Variants in RAI14 observed in about 807,000 individuals in gnomAD.
The protein encoded by RAI14 is ankycorbin.
Under a neutral mutation model 115.4 loss-of-function variants are expected in RAI14, and 45 were observed. The ratio of observed to expected loss-of-function variants is 0.39; its 90% confidence interval spans 0.31 to 0.50. RAI14 has a LOEUF of 0.50. RAI14 is among the 20% of genes least tolerant of loss of function. RAI14 has a pLI of 0.85. For missense variants in RAI14, 939 were observed against 1,131.2 expected (o/e 0.83, Z 2.44); for synonymous variants, 371 against 415.4 (o/e 0.89, Z 1.30).
At chr5:34,691,052 G>A (rs541439664) in intron 2 of RAI14, among the ~76,000 whole-genome samples, 1 of 152,254 alleles carries the variant, frequency 6.6e-6, no homozygotes, top group African/African-American at 2.4e-5. Flanking sequence ...ATTTTGAGAT[G>A]GCTGAATCAC....
At chr5:34,723,569 C>A (rs1016313745) in intron 2 of RAI14, among the ~76,000 whole-genome samples, 1 of 152,136 alleles carries the variant, frequency 6.6e-6, no homozygotes, top group African/African-American at 2.4e-5. Flanking sequence ...TGGTGTTTGA[C>A]CAAATAACTG....
rs1385466660 is a variant in RAI14, at chr5:34,665,132, TATATATATACAC to T, written c.-49+8666_-49+8677del. The stretch of plus-strand genomic sequence containing the variant: ...ATATATATGTGTATATATGTATGTG[TATATATATACAC>T]ATATATATGTGTGTGTATATATATA... On this transcript the variant is annotated intron_variant, in intron 1 of 17. Transcript: ENST00000265109. 2.0e-3 allele frequency among the ~76,000 whole-genome samples: 100 copies of T among 49,332 alleles called. 17 individuals carry two copies. The South Asian group carries it at 0.023, about 11-fold the overall frequency. 32.4% of individuals were successfully genotyped at this position (49,332 alleles called of 152,430 possible).
chr5:34,747,818 A>C (rs1167369565), intron 2 of RAI14, among the ~76,000 whole-genome samples: 2 of 152,260 alleles, frequency 1.3e-5, no homozygotes, highest in Non-Finnish European at 2.9e-5. Flanking sequence ...CCTACCATCC[A>C]GTGGGCAGTG....
chr5:34,762,066 G>A (rs1380899465), intron 3 of RAI14, among the ~76,000 whole-genome samples: 1 of 152,216 alleles, frequency 6.6e-6, no homozygotes, highest in African/African-American at 2.4e-5. Context: ...ATCTTATTGT[G>A]TTGGTCTTTC....
chr5:34,666,294 G>C (rs1164575481), intron 1 of RAI14, among the ~76,000 whole-genome samples: 2 of 151,520 alleles, frequency 1.3e-5, no homozygotes, highest in East Asian at 1.9e-4. Flanking sequence ...AGATGTCCCG[G>C]CCCCCCGACA....
intron 2 of RAI14, among the ~76,000 whole-genome samples, chr5:34,732,284 C>A (rs1350142186): frequency 6.6e-6 from 1 of 152,076 alleles, no homozygotes; most frequent in Non-Finnish European, 1.5e-5. Flanking sequence ...AAGAGCCAGA[C>A]AAATGTGGCC....
Position 34,795,997 on chromosome 5 carries a change from G to T in RAI14, c.226G>T (p.Gly76Cys). ...VECLRVMITH[G>C]VDVTAQDTTG... ...ATGCCTCAGGGTCATGATTACACAT[G>T]GTGTGGATGTGACAGCCCAAGATAC... Residue 76 changes from glycine to cysteine, a missense_variant, in exon 4 of 18, where the codon GGT becomes TGT. Coordinates refer to ENST00000265109, the MANE Select transcript of RAI14 (RefSeq NM_015577.3). 6.2e-7 allele frequency: 1 copy of T among 1,612,956 alleles called. No homozygotes were observed. Among genetic ancestry groups the T allele is most frequent in the Non-Finnish European group, 8.5e-7 (1 of 1,179,130 alleles).
rs140429203 is a variant in RAI14, at chr5:34,792,354, C to T, written c.168-3585C>T. On this transcript the variant is annotated intron_variant, in intron 3 of 17. Coordinates refer to ENST00000265109, the MANE Select transcript of RAI14 (RefSeq NM_015577.3). Reference sequence around the variant, plus strand: ...GTTCACACCATTCTCCTCTCTCAGCCTCCCGAGTAGATGGGACTACAGGTG... The same window carrying T: ...GTTCACACCATTCTCCTCTCTCAGCTTCCCGAGTAGATGGGACTACAGGTG... Among the ~76,000 whole-genome samples, 665 of 151,836 alleles carry T rather than the reference C, an allele frequency of 4.4e-3. 8 individuals carry two copies. Among genetic ancestry groups the T allele is most frequent in the African/African-American group, 0.015 (619 of 41,414 alleles).
At chr5:34,777,610 T>C (rs1157409328) in intron 3 of RAI14, among the ~76,000 whole-genome samples, 2 of 152,032 alleles carry the variant, frequency 1.3e-5, no homozygotes, top group African/African-American at 2.4e-5. Flanking sequence ...TGAAACTCTG[T>C]CTCTACTAAA....
At chr5:34,701,125 T>C (rs1740007581) in intron 2 of RAI14, among the ~76,000 whole-genome samples, 1 of 152,138 alleles carries the variant, frequency 6.6e-6, no homozygotes. Flanking sequence ...AATTCCTATG[T>C]AGGGGGTCTG....
At chr5:34,676,633 C>T (rs147077479) in intron 1 of RAI14, among the ~76,000 whole-genome samples, 130 of 152,218 alleles carry the variant, frequency 8.5e-4, no homozygotes, top group South Asian at 3.3e-3. Context: ...CAGTCAGTGC[C>T]GCTGGCTCTG....
intron 1 of RAI14, among the ~76,000 whole-genome samples, chr5:34,671,316 C>A (rs1443240949): frequency 6.6e-6 from 1 of 152,124 alleles, no homozygotes; most frequent in Non-Finnish European, 1.5e-5. Context: ...AGTCCATCAG[C>A]CTTTGAGTGA....
At chr5:34,761,139 G>A (rs867051825) in intron 3 of RAI14, among the ~76,000 whole-genome samples, 1 of 152,142 alleles carries the variant, frequency 6.6e-6, no homozygotes, top group Non-Finnish European at 1.5e-5. Flanking sequence ...CCCTTTTGCA[G>A]ATAATAAAAC....
chr5:34,806,530 A>G (rs1554008663), intron 5 of RAI14, among the ~76,000 whole-genome samples: 1 of 151,980 alleles, frequency 6.6e-6, no homozygotes, highest in Non-Finnish European at 1.5e-5. Context: ...AAGAAAGGGA[A>G]GAGGGTAGAG....
At chr5:34,828,910 T>G (rs1340393434) in intron 16 of RAI14, among the ~76,000 whole-genome samples, 2 of 152,166 alleles carry the variant, frequency 1.3e-5, no homozygotes, top group African/African-American at 4.8e-5. Context: ...AATAATTCCC[T>G]TAAAAATAAT....
intron 2 of RAI14, among the ~76,000 whole-genome samples, chr5:34,706,660 A>G (rs566146590): frequency 1.3e-5 from 2 of 152,252 alleles, no homozygotes; most frequent in African/African-American, 4.8e-5. Flanking sequence ...CAGGCTTTTT[A>G]TTCCTGATCT....
At chr5:34,702,492 G>A (rs1740200559) in intron 2 of RAI14, among the ~76,000 whole-genome samples, 1 of 152,156 alleles carries the variant, frequency 6.6e-6, no homozygotes, top group African/African-American at 2.4e-5. Context: ...CGGGGGGCAA[G>A]TGAGCGGGGG....
Position 34,706,931 on chromosome 5 carries a change from C to T in RAI14, c.36+19976C>T, listed in dbSNP as rs368472900. On this transcript the variant is annotated intron_variant, in intron 2 of 17. Transcript: ENST00000265109. ...GAGTCAAGACCATCAAAACTTGCAG[C>T]TCTTGCCCTACCCCGCATCAAATTG... Among the ~76,000 whole-genome samples, 33 of 152,306 alleles carry T rather than the reference C, an allele frequency of 2.2e-4. No homozygotes were observed. The East Asian group carries it at 5.8e-3, about 27-fold the overall frequency.
intron 1 of RAI14, among the ~76,000 whole-genome samples, chr5:34,669,765 A>C (rs903154414): frequency 2.0e-5 from 3 of 152,230 alleles, no homozygotes; most frequent in Admixed American, 6.5e-5. Flanking sequence ...TAAGGAACAG[A>C]AATGTCCTAA....
Sources: gnomAD v4.1 joint callset for allele counts (sites outside exome capture counted in the v4.1 genomes callset) on GRCh38, gnomAD v4.1.1 for gene constraint, MANE v1.5 for transcripts, NCBI Gene and HGNC (gene_info 2026-07-23, HGNC 2026-07-21) for gene names.